The following IFT122 variants were observed in gnomAD, a reference collection of about 807,000 sequenced individuals.
IFT122 encodes the protein intraflagellar transport protein 122 homolog.
A neutral mutation model predicts 161.6 loss-of-function variants in IFT122; 118 were observed. The ratio of observed to expected loss-of-function variants is 0.73; its 90% CI spans 0.63 to 0.85. The LOEUF is 0.85. IFT122 is among the 40% of genes least tolerant of loss of function. IFT122 has a pLI of 0.00. For synonymous variants in IFT122, 550 were observed against 602.4 expected (o/e 0.91, Z 1.27); for missense variants, 1,381 against 1,579.6 (o/e 0.87, Z 2.13).
intron 18 of IFT122, among the ~76,000 whole-genome samples, chr3:129,498,556 G>A (rs2081164895): frequency 6.6e-6 from 1 of 152,156 alleles, no homozygotes; most frequent in South Asian, 2.1e-4. Flanking sequence ...CCCAGCATCA[G>A]GGTATACAAT....
In IFT122 at chr3:129,465,637, AT is replaced by A. The variant is rs774334400; in HGVS notation, c.563+872del. ...AGGTGCCTGCCACCACGCCTGGCTA[AT>A]TTTTTTTTTTTTTTTGAGACGGAGT... On this transcript the variant is annotated intron_variant, in intron 7 of 29. Transcript: ENST00000348417. Among the ~76,000 whole-genome samples, 323 of 109,362 alleles carry A rather than the reference AT, an allele frequency of 3.0e-3. 11 individuals carry two copies. The highest frequency in any genetic ancestry group is 4.2e-3 in the Middle Eastern group (1 of 236). 71.7% of individuals were successfully genotyped at this position (109,362 alleles called of 152,430 possible).
chr3:129,481,405 A>T (rs2078625021), intron 13 of IFT122, 125 bp from the exon 14 acceptor site: 2 of 874,262 alleles, frequency 2.3e-6, no homozygotes, highest in East Asian at 2.6e-5. Context: ...TTTTCCCTGC[A>T]CAGAGCTTCT....
chr3:129,504,338 A>AG lies in IFT122; in HGVS notation c.2568dup (p.His857AlafsTer3), dbSNP rs2081966014. The AG allele has an allele frequency of 6.2e-7, 1 of 1,613,998 alleles. No individual in the cohort carries two copies. Among genetic ancestry groups the AG allele is most frequent in the South Asian group, 1.1e-5 (1 of 91,070 alleles). On this transcript the variant is annotated frameshift_variant, in exon 21 of 30. Coordinates refer to ENST00000348417, the MANE Select transcript of IFT122 (RefSeq NM_052989.3). LOFTEE classifies it high-confidence loss of function. ...CCCCAGGCCTTTGCTTTGGGTGAGA[A>AG]GCATCCTGAGTTTAAGGATGACATC...
Position 129,487,844 on chromosome 3 carries a change from T to C in IFT122, c.1852-413T>C, listed in dbSNP as rs117900894. 1.6e-3 allele frequency: 512 copies of C among 328,518 alleles called. 6 individuals are homozygous for C. In the East Asian group the frequency reaches 0.022, roughly 14 times the overall value. The allele number at this position is 328,518 out of a possible 1,614,324, so 20.4% of individuals were successfully genotyped here. On this transcript the variant is annotated intron_variant, in intron 15 of 29. Coordinates refer to ENST00000348417, the MANE Select transcript of IFT122 (RefSeq NM_052989.3). ...CAAAGGGCAGAGGAAGCTGAGACTC[T>C]TTCCCCTGGGGTGGGGGCTTGAGGG...
chr3:129,517,469 A>T lies in IFT122; in HGVS notation c.3266A>T (p.Asp1089Val), dbSNP rs753620781. 6.2e-7 allele frequency: 1 copy of T among 1,613,508 alleles called. No homozygotes were observed. Reference sequence around the variant, plus strand: ...TCAGCCCTTTCTCTATGCCCTCCAGACGTGCTACACCTGGTTGAGTTCTAC... The same window carrying T: ...TCAGCCCTTTCTCTATGCCCTCCAGTCGTGCTACACCTGGTTGAGTTCTAC... ...QPFIFSASSY[D>V]VLHLVEFYLE... The change falls in exon 27 of 30, where the codon GAC (aspartate) becomes GTC (valine). Residue 1089 changes from aspartate to valine, a missense_variant and splice_region_variant. Transcript: ENST00000348417.
chr3:129,494,137 G>A (rs910460160), intron 17 of IFT122, among the ~76,000 whole-genome samples: 1 of 152,072 alleles, frequency 6.6e-6, no homozygotes, highest in African/African-American at 2.4e-5. Context: ...GTTTTTATTG[G>A]TCATGGTGAT....
intron 7 of IFT122, among the ~76,000 whole-genome samples, chr3:129,465,670 C>A (rs1400864698): frequency 1.1e-5 from 1 of 90,216 alleles, no homozygotes; most frequent in Non-Finnish European, 1.8e-5. Flanking sequence ...GAGTCTCGCT[C>A]TGTCGCCCAG....
At chr3:129,495,373 C>T (rs1408922602) in intron 17 of IFT122, 73 bp from the exon 18 acceptor site, 1 of 1,583,190 alleles carries the variant, frequency 6.3e-7, no homozygotes, top group East Asian at 2.3e-5. Context: ...GAAATAGCCA[C>T]ATCTAACCTT....
Position 129,455,655 on chromosome 3 carries a change from A to G in IFT122, c.194-2944A>G, listed in dbSNP as rs1254631565. ...GGTGCCACTGCCTGTGCAATAAAAA[A>G]TCTGCATGTAATTTCTGAACCCCCC... is the stretch of plus-strand genomic sequence containing the variant. On this transcript the variant is annotated intron_variant, in intron 3 of 29. Coordinates refer to ENST00000348417, the MANE Select transcript of IFT122 (RefSeq NM_052989.3). 2.0e-5 allele frequency among the ~76,000 whole-genome samples: 3 copies of G among 152,156 alleles called. No homozygotes were observed. The East Asian group carries it at 5.8e-4, about 29-fold the overall frequency.
intron 15 of IFT122, among the ~76,000 whole-genome samples, chr3:129,485,794 G>A (rs921296498): frequency 2.6e-5 from 4 of 152,190 alleles, no homozygotes; most frequent in Non-Finnish European, 4.4e-5. Flanking sequence ...CTTGCTGACT[G>A]CACCAAGGCC....
intron 8 of IFT122, among the ~76,000 whole-genome samples, chr3:129,468,406 C>A (rs973810409): frequency 1.3e-5 from 2 of 151,982 alleles, no homozygotes; most frequent in African/African-American, 4.8e-5. Context: ...TGCAGTGGCA[C>A]GATCTCGGCT....
intron 10 of IFT122, 52 bp downstream of exon 10, chr3:129,476,558 C>T: frequency 6.2e-7 from 1 of 1,612,252 alleles, no homozygotes; most frequent in Non-Finnish European, 8.5e-7. Flanking sequence ...AGGCACTGAG[C>T]AGCCGCCGTG....
At chr3:129,482,871 G>A (rs548997168) in intron 14 of IFT122, among the ~76,000 whole-genome samples, 2 of 152,318 alleles carry the variant, frequency 1.3e-5, no homozygotes, top group Admixed American at 1.3e-4. Context: ...GGCCTGAAAT[G>A]TTACTTCCCT....
chr3:129,491,616 A>G (rs56821646), intron 16 of IFT122, among the ~76,000 whole-genome samples: 6,379 of 152,138 alleles, frequency 0.042, 398 homozygotes, highest in African/African-American at 0.13. Context: ...ATCTGTCTTT[A>G]TACCCTCTCA....
chr3:129,447,276 C>T (rs1296265493), intron 1 of IFT122, among the ~76,000 whole-genome samples: 1 of 152,116 alleles, frequency 6.6e-6, no homozygotes. Context: ...AGACATCAAT[C>T]AGATACATTT....
chr3:129,489,696 G>A (rs554054054), intron 16 of IFT122, among the ~76,000 whole-genome samples: 4 of 152,218 alleles, frequency 2.6e-5, no homozygotes, highest in Non-Finnish European at 4.4e-5. Flanking sequence ...AAAATTAGCC[G>A]GGCATGGTGG....
intron 27 of IFT122, among the ~76,000 whole-genome samples, chr3:129,518,367 C>G (rs920049254): frequency 6.6e-6 from 1 of 152,238 alleles, no homozygotes; most frequent in Non-Finnish European, 1.5e-5. Context: ...ACAGCACACA[C>G]GTGGCCTGAG....
rs567018522 is a variant in IFT122, at chr3:129,519,029, C to T, written c.3392-78C>T. 6 of 1,262,652 alleles carry T rather than the reference C, an allele frequency of 4.8e-6. No individual in the cohort carries two copies. In the South Asian group the frequency reaches 7.2e-5, roughly 15 times the overall value. The allele number at this position is 1,262,652 out of a possible 1,614,324, so 78.2% of individuals were successfully genotyped here. ...ACTGGTCTGGCTGCCCTTGAGTCTT[C>T]TCACAGGGGTGTAGGGTGGAGGCTA... On this transcript the variant is annotated intron_variant, in intron 27 of 29. Transcript: ENST00000348417.
chr3:129,454,395 T>TAA (rs60037525), intron 3 of IFT122, among the ~76,000 whole-genome samples: 2 of 134,014 alleles, frequency 1.5e-5, no homozygotes, highest in East Asian at 2.1e-4. Flanking sequence ...CTCTGTCTCT[T>TAA]AAAAAAAAAA....
Sources: gnomAD v4.1 joint callset for allele counts (sites outside exome capture counted in the v4.1 genomes callset) on GRCh38, gnomAD v4.1.1 for gene constraint, MANE v1.5 for transcripts, NCBI Gene and HGNC (gene_info 2026-07-23, HGNC 2026-07-21) for gene names.